TRAPPC12: variants seen among roughly 807,000 people sequenced by gnomAD.
TRAPPC12 encodes trafficking protein particle complex subunit 12.
TRAPPC12 carries 61 observed loss-of-function variants against 69.2 expected under a neutral mutation model. The ratio of observed to expected loss-of-function variants is 0.88; its 90% CI spans 0.72 to 1.09. TRAPPC12 has a LOEUF of 1.09. TRAPPC12 is among the 50% of genes least tolerant of loss of function. The probability of loss-of-function intolerance (pLI) is 0.00; values close to 1 mark genes in which losing one functional copy is unlikely to be tolerated. For synonymous variants in TRAPPC12, 469 were observed against 438.9 expected, an observed-to-expected ratio of 1.07 and a Z score of -0.86; for missense variants, 1,101 against 1,016.4, an observed-to-expected ratio of 1.08 and a Z score of -1.13.
chr2:3,427,745 T>G (rs908055993), intron 5 of TRAPPC12, among the ~76,000 whole-genome samples: 2 of 152,080 alleles, frequency 1.3e-5, no homozygotes, highest in African/African-American at 4.8e-5. Flanking sequence ...TACAAAAAAT[T>G]AGCCGGACAT....
chr2:3,404,292 C>CT (rs1281895784), intron 3 of TRAPPC12, among the ~76,000 whole-genome samples: 1 of 152,190 alleles, frequency 6.6e-6, no homozygotes, highest in Non-Finnish European at 1.5e-5. Context: ...TGACTTTCTA[C>CT]TTTCTAGTGT....
chr2:3,429,577 C>A (rs1055284768), intron 5 of TRAPPC12, among the ~76,000 whole-genome samples: 1 of 152,220 alleles, frequency 6.6e-6, no homozygotes, highest in Non-Finnish European at 1.5e-5. Flanking sequence ...AGTACTCTTG[C>A]ATTGCACAGG....
chr2:3,460,629 G>C, intron 8 of TRAPPC12: 1 of 369,774 alleles, frequency 2.7e-6, no homozygotes, highest in Non-Finnish European at 4.8e-6. Context: ...ATTTTTCTCT[G>C]AACTCCATCC....
intron 2 of TRAPPC12, among the ~76,000 whole-genome samples, chr2:3,392,940 G>A (rs531658154): frequency 5.9e-5 from 9 of 152,290 alleles, no homozygotes; most frequent in Admixed American, 3.9e-4. Flanking sequence ...AGTGCCTATC[G>A]ACAGGTGAGA....
intron 6 of TRAPPC12, chr2:3,457,013 T>C: frequency 2.2e-6 from 1 of 447,618 alleles, no homozygotes. Flanking sequence ...CCCCATTCAC[T>C]GTCGCCCCAC....
At chr2:3,451,793 C>T (rs891323580) in intron 6 of TRAPPC12, among the ~76,000 whole-genome samples, 1 of 152,170 alleles carries the variant, frequency 6.6e-6, no homozygotes, top group Non-Finnish European at 1.5e-5. Context: ...CAAAGTGCTA[C>T]AGCTGACTAT....
intron 9 of TRAPPC12, among the ~76,000 whole-genome samples, chr2:3,471,983 G>T (rs774239747): frequency 1.3e-5 from 2 of 152,180 alleles, no homozygotes; most frequent in Admixed American, 6.5e-5. Flanking sequence ...CTAGGCCTCG[G>T]TGTCCTGGAC....
intron 9 of TRAPPC12, among the ~76,000 whole-genome samples, chr2:3,474,002 A>G (rs1666181390): frequency 6.6e-6 from 1 of 152,200 alleles, no homozygotes; most frequent in South Asian, 2.1e-4. Context: ...GCTCACAGCC[A>G]TGGACTGCAG....
intron 9 of TRAPPC12, chr2:3,472,309 TGCGGGCACCTTG>T (rs1404666940): frequency 1.3e-5 from 2 of 152,166 alleles, no homozygotes; most frequent in African/African-American, 2.4e-5. Flanking sequence ...CCAGGAGGGG[TGCGGGCACCTTG>T]ACCGTCTCGA....
intron 6 of TRAPPC12, chr2:3,456,367 C>T (rs1394318498): frequency 1.3e-5 from 2 of 152,190 alleles, no homozygotes; most frequent in Non-Finnish European, 2.9e-5. Context: ...GATCTAAATT[C>T]TCTACCCAGA....
chr2:3,458,097 G>A, intron 7 of TRAPPC12: 21 of 1,032,686 alleles, frequency 2.0e-5, no homozygotes, highest in Non-Finnish European at 2.4e-5. Context: ...GGCTCGGGAG[G>A]GTGCTTCAGG....
chr2:3,421,557 T>A, intron 3 of TRAPPC12: 1 of 524,100 alleles, frequency 1.9e-6, no homozygotes. Context: ...ACCAGTCATA[T>A]AGATTGAGAG....
At chr2:3,473,793 T>C (rs1262817426) in intron 9 of TRAPPC12, among the ~76,000 whole-genome samples, 2 of 152,266 alleles carry the variant, frequency 1.3e-5, no homozygotes, top group African/African-American at 4.8e-5. Context: ...CTGTATCAAT[T>C]GCAGACCTAT....
chr2:3,401,710 G>A (rs1009625514), intron 2 of TRAPPC12, 67 bp from the exon 3 acceptor site: 18 of 1,036,322 alleles, frequency 1.7e-5, no homozygotes, highest in Non-Finnish European at 2.3e-5. Flanking sequence ...TTTAGTTATG[G>A]GTTCTGGTTA....
chr2:3,388,011 G>T lies in TRAPPC12; in HGVS notation c.388G>T (p.Ala130Ser). The stretch of plus-strand genomic sequence containing the variant: ...GGACGCGGCACCCAGTAGCGGAGGG[G>T]CCCCGAGGCAGGACGCGGCCCGCGA... The part of the protein sequence containing the change: ...PEDAAPSSGG[A>S]PRQDAAREVP... Residue 130 changes from alanine to serine, a missense_variant, in exon 2 of 12, where the codon GCC becomes TCC. Transcript: ENST00000324266. 1 of 1,469,128 alleles carries T rather than the reference G, an allele frequency of 6.8e-7. No homozygotes were observed. The highest frequency in any genetic ancestry group is 9.0e-7 in the Non-Finnish European group (1 of 1,117,166). 91.0% of individuals were successfully genotyped at this position (1,469,128 alleles called of 1,614,324 possible). A position where few individuals can be genotyped will look rare whatever the true frequency, so the allele number is the denominator to read the frequency against.
chr2:3,451,197 A>G (rs1664832080), intron 6 of TRAPPC12, among the ~76,000 whole-genome samples: 1 of 152,218 alleles, frequency 6.6e-6, no homozygotes, highest in Non-Finnish European at 1.5e-5. Context: ...TTAATTTTGA[A>G]TAATTGATCT....
At position 3,437,692 on chromosome 2, in the gene TRAPPC12, TCCC is replaced by T. The variant is rs1161517812; in HGVS notation, c.1418-6083_1418-6081del. ...TAATACCCCATCACCCCTGGATTAA[TCCC>T]CCCATCACCCCTGGATTAATCCCCC... On this transcript the variant is annotated intron_variant, in intron 5 of 11. Transcript: ENST00000324266. Among the ~76,000 whole-genome samples the T allele has an allele frequency of 5.7e-3, 43 of 7,528 alleles. 3 individuals carry two copies. Among genetic ancestry groups the T allele is most frequent in the African/African-American group, 0.023 (40 of 1,756 alleles). 4.9% of individuals were successfully genotyped at this position (7,528 alleles called of 152,430 possible).
chr2:3,390,652 A>G (rs546428491), intron 2 of TRAPPC12, among the ~76,000 whole-genome samples: 1 of 152,340 alleles, frequency 6.6e-6, no homozygotes, highest in Non-Finnish European at 1.5e-5. Flanking sequence ...GTGATACTTT[A>G]ATGCTGGGTA....
chr2:3,382,943 T>C (rs1660292389), intron 1 of TRAPPC12, among the ~76,000 whole-genome samples: 1 of 152,130 alleles, frequency 6.6e-6, no homozygotes, highest in African/African-American at 2.4e-5. Flanking sequence ...ATAATACTAA[T>C]AAAATAATAG....
Sources: gnomAD v4.1 joint callset for allele counts (sites outside exome capture counted in the v4.1 genomes callset) on GRCh38, gnomAD v4.1.1 for gene constraint, MANE v1.5 for transcripts, NCBI Gene and HGNC (gene_info 2026-07-23, HGNC 2026-07-21) for gene names.